The following SEMA5A variants were observed in gnomAD, a reference collection of about 807,000 sequenced individuals.
SEMA5A encodes the protein semaphorin 5A, also known as semaphorin-5A.
In SEMA5A, 55 loss-of-function variants were observed where a neutral mutation model predicts 135.5. The observed-to-expected ratio is 0.41, with a 90% CI of 0.33 to 0.51. The LOEUF is 0.51. Ranked by LOEUF, SEMA5A falls within the 20% of genes least tolerant of loss-of-function variation. The pLI, the probability that SEMA5A is intolerant of heterozygous loss-of-function variation, is 0.37. For missense variants in SEMA5A, 1,290 were observed against 1,419.9 expected (o/e 0.91, Z 1.47); for synonymous variants, 580 against 546.5 (o/e 1.06, Z -0.85).
At chr5:9,211,233 G>A (rs1746330077) in intron 8 of SEMA5A, among the ~76,000 whole-genome samples, 1 of 147,412 alleles carries the variant, frequency 6.8e-6, no homozygotes, top group Admixed American at 6.9e-5. Flanking sequence ...TTGTTCACAA[G>A]GTCATTCTTT....
chr5:9,267,843 C>T (rs980904770), intron 5 of SEMA5A, among the ~76,000 whole-genome samples: 1 of 152,066 alleles, frequency 6.6e-6, no homozygotes, highest in African/African-American at 2.4e-5. Flanking sequence ...TTTAAATTGG[C>T]AGCTGGGTAC....
rs191975863 is a variant in SEMA5A at position 9,544,491 on chromosome 5, A to T, written c.-175+1093T>A. On this transcript the variant is annotated intron_variant, in intron 1 of 22. Coordinates refer to ENST00000382496, the MANE Select transcript of SEMA5A (RefSeq NM_003966.3). ...CCTAGCAAGGCTGACAGCTCTCTAT[A>T]GCCACCAGATCAGCTCCCCCAACCC... Among the ~76,000 whole-genome samples the T allele has an allele frequency of 5.1e-3, 769 of 152,190 alleles. 6 individuals carry two copies. Among genetic ancestry groups the T allele is most frequent in the Non-Finnish European group, 8.0e-3 (541 of 68,020 alleles).
chr5:9,360,681 C>T (rs1434489663), intron 3 of SEMA5A, among the ~76,000 whole-genome samples: 9 of 152,198 alleles, frequency 5.9e-5, no homozygotes, highest in Non-Finnish European at 5.9e-5. Flanking sequence ...GGCTGAGCAA[C>T]ACAGTGGGTA....
intron 3 of SEMA5A, among the ~76,000 whole-genome samples, chr5:9,355,927 T>C (rs1754422698): frequency 1.3e-5 from 2 of 152,206 alleles, no homozygotes; most frequent in African/African-American, 4.8e-5. Context: ...TAGTTCACTG[T>C]AGAATTTCAG....
chr5:9,241,013 T>C lies in SEMA5A; in HGVS notation c.271-3123A>G, dbSNP rs143685096. Among the ~76,000 whole-genome samples, 1,505 of 152,216 alleles carry C rather than the reference T, an allele frequency of 9.9e-3. 27 individuals carry two copies. Among genetic ancestry groups the C allele is most frequent in the African/African-American group, 0.035 (1,452 of 41,566 alleles). ...CTTTTTCTATTTCAGGATAGCCCAG[T>C]AGAGAAAAGAAATATTTCTACTCTA... On this transcript the variant is annotated intron_variant, in intron 5 of 22. Coordinates refer to ENST00000382496, the MANE Select transcript of SEMA5A (RefSeq NM_003966.3).
chr5:9,207,858 T>C (rs1237475882), intron 8 of SEMA5A, among the ~76,000 whole-genome samples: 2 of 79,370 alleles, frequency 2.5e-5, no homozygotes, highest in African/African-American at 1.2e-4. Context: ...TGATGATAGA[T>C]AGATAGATAG....
rs1742855994 is a variant in SEMA5A at position 9,154,659 on chromosome 5, T to C, written c.1310A>G (p.Asn437Ser). The change falls in exon 12 of 23, where the codon AAT becomes AGT. Residue 437 changes from asparagine to serine, a missense_variant. Physicochemically the swap from Asn to Ser is conservative, Grantham distance 46. This residue lies in a region of SEMA5A where 1,029 missense variants were observed against 1,086.6 expected (regional missense o/e 0.95). Coordinates refer to ENST00000382496, the MANE Select transcript of SEMA5A (RefSeq NM_003966.3). ...CAGCAAACAGCTGCTTGAGGTCTGA[T>C]TCAGGGGTACCCGCACTTTCTTAAT... ...GTIKKVRVPL[N>S]QTSSSCLLEE... 1 of 1,614,056 alleles carries C rather than the reference T, an allele frequency of 6.2e-7. No individual in the cohort carries two copies. The highest frequency in any genetic ancestry group is 8.5e-7 in the Non-Finnish European group (1 of 1,180,012).
chr5:9,052,132 C>T, intron 19 of SEMA5A, 104 bp from the exon 20 acceptor site: 1 of 1,265,222 alleles, frequency 7.9e-7, no homozygotes, highest in South Asian at 1.6e-5. Flanking sequence ...TCCAGGATTC[C>T]ATAGCATATT....
intron 2 of SEMA5A, among the ~76,000 whole-genome samples, chr5:9,429,292 A>G (rs887394305): frequency 6.6e-6 from 1 of 152,168 alleles, no homozygotes; most frequent in Non-Finnish European, 1.5e-5. Context: ...CCAAATTAGA[A>G]ATAGGGTATT....
rs556380290 is a variant in SEMA5A at position 9,375,740 on chromosome 5, G to T, written c.124+4083C>A. Among the ~76,000 whole-genome samples, 324 of 151,602 alleles carry T rather than the reference G, an allele frequency of 2.1e-3. 2 individuals are homozygous for T. The highest frequency in any genetic ancestry group is 7.5e-3 in the African/African-American group (311 of 41,276). ...GAAAGTCCCAGGAAGACCAGGACAA[G>T]TGTGTCACTCTTCCTTCTGGCATAC... On this transcript the variant is annotated intron_variant, in intron 3 of 22. Coordinates refer to ENST00000382496, the MANE Select transcript of SEMA5A (RefSeq NM_003966.3).
intron 17 of SEMA5A, among the ~76,000 whole-genome samples, chr5:9,064,220 C>T (rs1161142191): frequency 1.3e-5 from 2 of 152,196 alleles, no homozygotes; most frequent in Non-Finnish European, 2.9e-5. Context: ...AATCAAGCCT[C>T]ATTTTATGTG....
chr5:9,468,069 G>C (rs1042045135), intron 1 of SEMA5A, among the ~76,000 whole-genome samples: 2 of 151,938 alleles, frequency 1.3e-5, no homozygotes, highest in African/African-American at 4.8e-5. Context: ...TCACATCTTG[G>C]TAACTACCAA....
rs550691497 is a variant in SEMA5A at position 9,364,348 on chromosome 5, T to TA, written c.124+15474dup. 1.2e-4 allele frequency among the ~76,000 whole-genome samples: 19 copies of TA among 152,318 alleles called. No individual in the cohort carries two copies. In the South Asian group the frequency reaches 3.9e-3, roughly 32 times the overall value. On this transcript the variant is annotated intron_variant, in intron 3 of 22. Coordinates refer to ENST00000382496, the MANE Select transcript of SEMA5A (RefSeq NM_003966.3). ...TGGCCCTTAATACAAACTTATTTTA[T>TA]AGCCCTGAATGTAATTCCTACTACA... is the stretch of plus-strand genomic sequence containing the variant.
intron 1 of SEMA5A, among the ~76,000 whole-genome samples, chr5:9,466,382 T>TA (rs10608363): frequency 0.14 from 20,421 of 142,880 alleles, 1,606 homozygotes; most frequent in Non-Finnish European, 0.17. Context: ...TAATAAAATT[T>TA]AAAAAAAAAA....
intron 3 of SEMA5A, among the ~76,000 whole-genome samples, chr5:9,350,458 G>A (rs1056681493): frequency 6.6e-6 from 1 of 152,216 alleles, no homozygotes; most frequent in African/African-American, 2.4e-5. Flanking sequence ...TGCCTGATAG[G>A]AGTGTCTCTC....
At chr5:9,113,219 A>G (rs1186783491) in intron 15 of SEMA5A, among the ~76,000 whole-genome samples, 1 of 152,226 alleles carries the variant, frequency 6.6e-6, no homozygotes, top group Non-Finnish European at 1.5e-5. Flanking sequence ...TATAACAACT[A>G]TTAACAGACC....
intron 13 of SEMA5A, among the ~76,000 whole-genome samples, chr5:9,123,333 G>A (rs1447711712): frequency 6.8e-6 from 1 of 147,566 alleles, no homozygotes; most frequent in South Asian, 2.2e-4. Context: ...AGCAGCAGAG[G>A]TGATTGCTGG....
chr5:9,066,657 T>A lies in SEMA5A; in HGVS notation c.2074-11A>T. 1 of 1,612,534 alleles carries A rather than the reference T, an allele frequency of 6.2e-7. No individual in the cohort carries two copies. Among genetic ancestry groups the A allele is most frequent in the Non-Finnish European group, 8.5e-7 (1 of 1,179,076 alleles). On this transcript the variant is annotated splice_polypyrimidine_tract_variant and intron_variant, in intron 16 of 22. Transcript: ENST00000382496. Reference sequence around the variant, plus strand: ...GCAAGACTGGTACTCCTGGGGAGAATGCGCAGACGAGTGTTACTATACGGG... The same window carrying A: ...GCAAGACTGGTACTCCTGGGGAGAAAGCGCAGACGAGTGTTACTATACGGG...
At chr5:9,250,444 A>T (rs1258977576) in intron 5 of SEMA5A, among the ~76,000 whole-genome samples, 1 of 152,194 alleles carries the variant, frequency 6.6e-6, no homozygotes, top group Non-Finnish European at 1.5e-5. Flanking sequence ...TACCTATACG[A>T]TCCTGTTTAA....
Sources: allele counts gnomAD v4.1 joint callset (sites outside exome capture counted in the v4.1 genomes callset), GRCh38; gene constraint gnomAD v4.1.1; regional missense constraint gnomAD v4.1.1; transcripts MANE v1.5; gene names NCBI Gene and HGNC (gene_info 2026-07-23, HGNC 2026-07-21).